The following SUPT3H variants were observed in gnomAD, a reference collection of about 807,000 sequenced individuals.
SUPT3H encodes the protein transcription initiation protein SPT3 homolog.
Under a neutral mutation model 44.3 loss-of-function variants are expected in SUPT3H, and 44 were observed. The ratio of observed to expected loss-of-function variants is 0.99; its 90% CI spans 0.78 to 1.28. The LOEUF (loss-of-function observed/expected upper bound fraction) is 1.28. Among genes scored for constraint, SUPT3H ranks in the 50% most tolerant of loss-of-function variants. The pLI is 0.00. For synonymous variants in SUPT3H, 124 were observed against 125.6 expected, an observed-to-expected ratio of 0.99 and a Z score of 0.09; for missense variants, 380 against 387.1, an observed-to-expected ratio of 0.98 and a Z score of 0.15.
intron 3 of SUPT3H, among the ~76,000 whole-genome samples, chr6:45,073,888 T>C (rs994769744): frequency 2.6e-5 from 4 of 151,974 alleles, no homozygotes; most frequent in Non-Finnish European, 5.9e-5. Flanking sequence ...CAGAATTAAT[T>C]GATTCTTGAG....
chr6:44,994,428 G>A (rs898161721), intron 6 of SUPT3H, among the ~76,000 whole-genome samples: 6 of 152,074 alleles, frequency 3.9e-5, no homozygotes, highest in Admixed American at 6.6e-5. Flanking sequence ...TCACACTGCC[G>A]TAATGTTAAA....
chr6:44,826,054 C>T (rs35974355), downstream of SUPT3H, among the ~76,000 whole-genome samples: 10 of 152,308 alleles, frequency 6.6e-5, no homozygotes, highest in East Asian at 9.6e-4. Flanking sequence ...ATGCAAGTCT[C>T]GTCTCTTTCT....
intron 2 of SUPT3H, among the ~76,000 whole-genome samples, chr6:45,333,357 T>C (rs1787902079): frequency 6.6e-6 from 1 of 151,542 alleles, no homozygotes; most frequent in Admixed American, 6.6e-5. Context: ...GACCATACAT[T>C]CCCATACAAC....
In SUPT3H at chr6:45,373,749, C is replaced by T. The variant is rs139028022; in HGVS notation, c.-1+4019G>A. 2.7e-3 allele frequency among the ~76,000 whole-genome samples: 408 copies of T among 152,218 alleles called. 3 individuals are homozygous for T. Among genetic ancestry groups the T allele is most frequent in the Middle Eastern group, 0.01 (3 of 294 alleles). ...TGTAATTTTAGTAGAGACGGGGTTT[C>T]GCCATGTTGGCCAGTCTGGTCTCCA... On this transcript the variant is annotated intron_variant, in intron 1 of 10. Transcript: ENST00000371459.
chr6:45,296,355 G>A (rs1781222173), intron 2 of SUPT3H, among the ~76,000 whole-genome samples: 1 of 152,036 alleles, frequency 6.6e-6, no homozygotes, highest in Non-Finnish European at 1.5e-5. Context: ...ATAAGTGGGA[G>A]CTAAGCTATG....
At chr6:45,190,386 G>A (rs1366897137) in intron 2 of SUPT3H, among the ~76,000 whole-genome samples, 1 of 151,964 alleles carries the variant, frequency 6.6e-6, no homozygotes, top group African/African-American at 2.4e-5. Flanking sequence ...GCTTCCCAAA[G>A]CAACACACAC....
At chr6:45,106,319 C>G (rs184485454) in intron 2 of SUPT3H, among the ~76,000 whole-genome samples, 1 of 152,060 alleles carries the variant, frequency 6.6e-6, no homozygotes, top group East Asian at 1.9e-4. Flanking sequence ...ATAGTCCCAG[C>G]TACTTGGGAG....
intron 9 of SUPT3H, among the ~76,000 whole-genome samples, chr6:44,941,023 T>A (rs1158765671): frequency 6.6e-6 from 1 of 152,118 alleles, no homozygotes; most frequent in African/African-American, 2.4e-5. Flanking sequence ...ATTCTGCCAA[T>A]CTGTATTTTT....
At chr6:45,120,384 A>C (rs1801443883) in intron 2 of SUPT3H, among the ~76,000 whole-genome samples, 1 of 143,226 alleles carries the variant, frequency 7.0e-6, no homozygotes, top group Admixed American at 7.1e-5. Flanking sequence ...CAAGAGTTTA[A>C]ATCCAGTCTG....
chr6:45,132,572 G>T (rs1803636789), intron 2 of SUPT3H, among the ~76,000 whole-genome samples: 1 of 152,068 alleles, frequency 6.6e-6, no homozygotes, highest in African/African-American at 2.4e-5. Flanking sequence ...GTTATATTTT[G>T]ATTGCAATTT....
At chr6:45,157,428 A>G (rs1375075709) in intron 2 of SUPT3H, among the ~76,000 whole-genome samples, 1 of 151,980 alleles carries the variant, frequency 6.6e-6, no homozygotes, top group African/African-American at 2.4e-5. Context: ...CAGATTTGAA[A>G]GACGTACCAA....
intron 10 of SUPT3H, among the ~76,000 whole-genome samples, chr6:44,927,722 T>C (rs1374056715): frequency 6.6e-6 from 1 of 152,196 alleles, no homozygotes; most frequent in Non-Finnish European, 1.5e-5. Context: ...AGAGTAAAAA[T>C]GAATATTTTC....
At chr6:44,863,185 C>G (rs1324737285) in intron 10 of SUPT3H, among the ~76,000 whole-genome samples, 1 of 152,148 alleles carries the variant, frequency 6.6e-6, no homozygotes, top group Non-Finnish European at 1.5e-5. Flanking sequence ...CAGTCATGCA[C>G]TGATTACTTA....
At chr6:45,353,594 C>CT (rs1160451211) in intron 2 of SUPT3H, among the ~76,000 whole-genome samples, 3 of 151,774 alleles carry the variant, frequency 2.0e-5, no homozygotes, top group Non-Finnish European at 2.9e-5. Context: ...ATTATTCTAA[C>CT]TTAGAACCCT....
At chr6:45,011,966 T>C (rs1783551094) in intron 5 of SUPT3H, among the ~76,000 whole-genome samples, 1 of 151,410 alleles carries the variant, frequency 6.6e-6, no homozygotes, top group South Asian at 2.1e-4. Context: ...TGGAGAAGTT[T>C]TTTCTTTCAG....
At chr6:45,085,289 G>A (rs1796351841) in intron 3 of SUPT3H, among the ~76,000 whole-genome samples, 1 of 151,996 alleles carries the variant, frequency 6.6e-6, no homozygotes. Flanking sequence ...GCATCTCTAT[G>A]CACCCAGAAA....
chr6:45,351,228 C>T (rs1482180854), intron 2 of SUPT3H, among the ~76,000 whole-genome samples: 2 of 152,046 alleles, frequency 1.3e-5, no homozygotes, highest in Non-Finnish European at 2.9e-5. Context: ...TTAGTGAAAA[C>T]ACTTCAAGTA....
intron 2 of SUPT3H, among the ~76,000 whole-genome samples, chr6:45,314,862 G>GCATC (rs1217221811): frequency 1.3e-5 from 2 of 152,060 alleles, no homozygotes; most frequent in Non-Finnish European, 2.9e-5. Flanking sequence ...AAATCTGGAG[G>GCATC]CATCATATTA....
intron 10 of SUPT3H, among the ~76,000 whole-genome samples, chr6:44,842,656 A>G (rs1396793894): frequency 6.6e-6 from 1 of 152,162 alleles, no homozygotes; most frequent in African/African-American, 2.4e-5. Flanking sequence ...AAGATAAGAA[A>G]GATTATTTTT....
Sources: gnomAD v4.1 joint callset for allele counts (sites outside exome capture counted in the v4.1 genomes callset) on GRCh38, gnomAD v4.1.1 for gene constraint, MANE v1.5 for transcripts, NCBI Gene and HGNC (gene_info 2026-07-23, HGNC 2026-07-21) for gene names.